The following ZNF804B variants were observed in gnomAD, a reference collection of about 807,000 sequenced individuals.
ZNF804B encodes zinc finger 804B.
A neutral mutation model predicts 101.4 loss-of-function variants in ZNF804B; 80 were observed. That is an observed-to-expected ratio of 0.79 (90% CI 0.66 to 0.95). The LOEUF is 0.95. Among genes scored for constraint, ZNF804B ranks in the 40% least tolerant of loss-of-function variants. The pLI is 0.00. For synonymous variants in ZNF804B, 622 were observed against 558.8 expected, an observed-to-expected ratio of 1.11 and a Z score of -1.59; for missense variants, 1,673 against 1,561.9, an observed-to-expected ratio of 1.07 and a Z score of -1.20.
At chr7:88,776,780 A>ACCCCCCCCCCCCCCCC (rs10707553) in intron 1 of ZNF804B, among the ~76,000 whole-genome samples, 2 of 83,492 alleles carry the variant, frequency 2.4e-5, no homozygotes, top group Non-Finnish European at 4.8e-5. Context: ...TAACCCATAA[A>ACCCCCCCCCCCCCCCC]CCCCCCCCCC....
chr7:88,982,597 T>C (rs917001984), intron 1 of ZNF804B, among the ~76,000 whole-genome samples: 12 of 152,058 alleles, frequency 7.9e-5, no homozygotes, highest in Non-Finnish European at 1.8e-4. Flanking sequence ...TCTTTCCTTT[T>C]TATAAGGACA....
chr7:89,057,375 G>T (rs1032102547), intron 1 of ZNF804B, among the ~76,000 whole-genome samples: 1 of 152,024 alleles, frequency 6.6e-6, no homozygotes, highest in African/African-American at 2.4e-5. Context: ...ACCCTGGGGA[G>T]GGGGCAGTTT....
chr7:88,997,318 G>GT (rs1248755976), intron 1 of ZNF804B, among the ~76,000 whole-genome samples: 8 of 152,028 alleles, frequency 5.3e-5, no homozygotes, highest in African/African-American at 1.9e-4. Flanking sequence ...AATTTCAAAA[G>GT]TTTTCTAACT....
intron 1 of ZNF804B, among the ~76,000 whole-genome samples, chr7:89,154,929 A>G (rs1281728687): frequency 6.6e-6 from 1 of 151,944 alleles, no homozygotes; most frequent in Admixed American, 6.6e-5. Context: ...CAAAGGATAA[A>G]TGCTTGAGAG....
At chr7:89,105,754 A>T (rs1583989352) in intron 1 of ZNF804B, among the ~76,000 whole-genome samples, 1 of 152,128 alleles carries the variant, frequency 6.6e-6, no homozygotes, top group African/African-American at 2.4e-5. Flanking sequence ...CTGATCTCAC[A>T]GGTCCCCAAG....
chr7:89,259,932 C>G (rs71557041), intron 2 of ZNF804B, among the ~76,000 whole-genome samples: 1 of 151,356 alleles, frequency 6.6e-6, no homozygotes, highest in African/African-American at 2.4e-5. Flanking sequence ...TTGTAGTGAC[C>G]TGAGATCACA....
chr7:89,245,615 A>T (rs1789431293), intron 2 of ZNF804B, among the ~76,000 whole-genome samples: 3 of 152,170 alleles, frequency 2.0e-5, no homozygotes, highest in Admixed American at 2.0e-4. Flanking sequence ...AATGATGGAA[A>T]TTAAGATATT....
intron 2 of ZNF804B, among the ~76,000 whole-genome samples, chr7:89,262,591 T>C (rs547927511): frequency 6.6e-6 from 1 of 152,288 alleles, no homozygotes; most frequent in South Asian, 2.1e-4. Context: ...TGTAAATCTT[T>C]TTATCTTTTT....
chr7:88,820,229 A>G (rs568454915), intron 1 of ZNF804B, among the ~76,000 whole-genome samples: 225 of 152,330 alleles, frequency 1.5e-3, no homozygotes, highest in Non-Finnish European at 2.6e-3. Flanking sequence ...ATGATACAAA[A>G]CATTCTACAA....
intron 1 of ZNF804B, among the ~76,000 whole-genome samples, chr7:89,004,055 CA>C (rs5885649): frequency 0.55 from 61,132 of 111,940 alleles, 13,375 homozygotes; most frequent in Middle Eastern, 0.65. Flanking sequence ...CCTGAATGAG[CA>C]AAAAAAAAAA....
chr7:89,081,149 A>C (rs1032931129), intron 1 of ZNF804B, among the ~76,000 whole-genome samples: 1 of 151,372 alleles, frequency 6.6e-6, no homozygotes, highest in Non-Finnish European at 1.5e-5. Flanking sequence ...TGCTCCTTAG[A>C]TTGAGAAAAA....
chr7:89,018,076 G>T (rs1007684058), intron 1 of ZNF804B, among the ~76,000 whole-genome samples: 2 of 152,006 alleles, frequency 1.3e-5, no homozygotes, highest in Admixed American at 6.6e-5. Context: ...ATGAAAGTGG[G>T]CATTCTTCGC....
chr7:89,227,507 C>T (rs1789112953), intron 2 of ZNF804B, among the ~76,000 whole-genome samples: 1 of 151,930 alleles, frequency 6.6e-6, no homozygotes, highest in South Asian at 2.1e-4. Context: ...AGAAAGTGAA[C>T]ATATAAAATA....
Position 88,935,944 on chromosome 7 carries a change from T to C in ZNF804B, c.108+175860T>C, listed in dbSNP as rs1792961706. 2.0e-5 allele frequency among the ~76,000 whole-genome samples: 3 copies of C among 151,526 alleles called. No homozygotes were observed. In the South Asian group the frequency reaches 6.2e-4, roughly 32 times the overall value. ...TTCTTTTCTCTTTCCTTCTCTTCAT[T>C]CTTTCATCTTTCTGTTTTCCGATTT... On this transcript the variant is annotated intron_variant, in intron 1 of 3. Coordinates refer to ENST00000333190, the MANE Select transcript of ZNF804B (RefSeq NM_181646.5).
chr7:88,990,305 G>A (rs1188952444), intron 1 of ZNF804B, among the ~76,000 whole-genome samples: 1 of 151,826 alleles, frequency 6.6e-6, no homozygotes, highest in African/African-American at 2.4e-5. Flanking sequence ...TTAGGTCTTT[G>A]GGTATTTTTT....
intron 1 of ZNF804B, among the ~76,000 whole-genome samples, chr7:88,877,608 T>C (rs1276903403): frequency 6.6e-6 from 1 of 152,082 alleles, no homozygotes; most frequent in Non-Finnish European, 1.5e-5. Context: ...TGTGGCCTAG[T>C]TACTTAGCTT....
intron 1 of ZNF804B, among the ~76,000 whole-genome samples, chr7:88,914,124 C>T (rs189258895): frequency 6.6e-6 from 1 of 152,146 alleles, no homozygotes; most frequent in African/African-American, 2.4e-5. Flanking sequence ...TTATCTATCC[C>T]TTTGCAAATT....
chr7:89,051,891 A>G (rs1459340280), intron 1 of ZNF804B, among the ~76,000 whole-genome samples: 1 of 152,154 alleles, frequency 6.6e-6, no homozygotes, highest in African/African-American at 2.4e-5. Context: ...CATTTATAAA[A>G]TGGAAAGAAT....
At chr7:89,107,169 G>A (rs555131134) in intron 1 of ZNF804B, among the ~76,000 whole-genome samples, 2 of 152,150 alleles carry the variant, frequency 1.3e-5, no homozygotes, top group South Asian at 2.1e-4. Flanking sequence ...TATTTATAAT[G>A]TATTCATAAA....
Sources: gnomAD v4.1 joint callset for allele counts (sites outside exome capture counted in the v4.1 genomes callset) on GRCh38, gnomAD v4.1.1 for gene constraint, MANE v1.5 for transcripts, NCBI Gene and HGNC (gene_info 2026-07-23, HGNC 2026-07-21) for gene names.